ST18: variants seen among roughly 807,000 people sequenced by gnomAD.
The protein encoded by ST18 is suppression of tumorigenicity 18 protein.
In ST18, 50 loss-of-function variants were observed where a neutral mutation model predicts 110.0. That is an observed-to-expected ratio of 0.45 (90% CI 0.36 to 0.58). The LOEUF (loss-of-function observed/expected upper bound fraction) is 0.58, where lower values mean the gene tolerates loss of function less well. Among genes scored for constraint, ST18 ranks in the 20% least tolerant of loss-of-function variants. The probability of loss-of-function intolerance (pLI) is 0.00; values close to 1 mark genes in which losing one functional copy is unlikely to be tolerated. For missense variants in ST18, 1,306 were observed against 1,280.1 expected, an observed-to-expected ratio of 1.02 and a Z score of -0.31; for synonymous variants, 461 against 452.4, an observed-to-expected ratio of 1.02 and a Z score of -0.24.
At chr8:52,233,681 A>G (rs1343777174) in intron 2 of ST18, among the ~76,000 whole-genome samples, 1 of 152,186 alleles carries the variant, frequency 6.6e-6, no homozygotes, top group Non-Finnish European at 1.5e-5. Flanking sequence ...GTTTCGTCCA[A>G]TGCTTATCCA....
At chr8:52,238,542 T>C (rs1315124782) in intron 2 of ST18, among the ~76,000 whole-genome samples, 1 of 152,052 alleles carries the variant, frequency 6.6e-6, no homozygotes, top group Non-Finnish European at 1.5e-5. Flanking sequence ...CACATGTATG[T>C]TTTTTGTAGC....
intron 19 of ST18, among the ~76,000 whole-genome samples, chr8:52,133,850 C>A (rs996861232): frequency 2.5e-4 from 38 of 152,066 alleles, no homozygotes; most frequent in Non-Finnish European, 4.7e-4. Context: ...CCTGCCTCAG[C>A]CTCCCGAGTA....
At chr8:52,197,707 G>A (rs1210621922) in intron 8 of ST18, among the ~76,000 whole-genome samples, 1 of 152,092 alleles carries the variant, frequency 6.6e-6, no homozygotes. Context: ...GAAGAAAACA[G>A]AAAGAATGAG....
intron 8 of ST18, among the ~76,000 whole-genome samples, chr8:52,188,132 T>A (rs1038938139): frequency 3.3e-5 from 5 of 152,214 alleles, no homozygotes; most frequent in African/African-American, 1.2e-4. Flanking sequence ...TTCCTAGAGT[T>A]TTATTATGGA....
intron 8 of ST18, chr8:52,194,309 G>A (rs1475903424): frequency 1.3e-5 from 2 of 152,220 alleles, no homozygotes; most frequent in East Asian, 1.9e-4. Flanking sequence ...TGTAATTCCA[G>A]TGACAGCGTC....
At chr8:52,296,693 A>G (rs1401294806) in intron 2 of ST18, 5 of 152,206 alleles carry the variant, frequency 3.3e-5, no homozygotes, top group Non-Finnish European at 7.3e-5. Flanking sequence ...ACAGTAGGCA[A>G]TATAATACTA....
chr8:52,368,628 G>A (rs1829088201), intron 2 of ST18, among the ~76,000 whole-genome samples: 1 of 152,164 alleles, frequency 6.6e-6, no homozygotes, highest in Non-Finnish European at 1.5e-5. Flanking sequence ...GCCACATAGT[G>A]ACTCAGGGAT....
chr8:52,189,260 A>G (rs1407555840), intron 8 of ST18, among the ~76,000 whole-genome samples: 1 of 152,232 alleles, frequency 6.6e-6, no homozygotes, highest in Non-Finnish European at 1.5e-5. Flanking sequence ...TGTACAGACA[A>G]GCTGGATCCT....
At chr8:52,173,729 G>C (rs1027362275) in intron 9 of ST18, among the ~76,000 whole-genome samples, 1 of 152,136 alleles carries the variant, frequency 6.6e-6, no homozygotes, top group Non-Finnish European at 1.5e-5. Context: ...AAAGCAGGGT[G>C]GGGGGATGGG....
intron 2 of ST18, among the ~76,000 whole-genome samples, chr8:52,378,204 T>A (rs1167592471): frequency 1.3e-5 from 2 of 151,954 alleles, no homozygotes; most frequent in Non-Finnish European, 2.9e-5. Context: ...GTGACTAGAG[T>A]CAACAATAGT....
At chr8:52,130,110 G>GAAAAGA (rs1261984807) in intron 22 of ST18, among the ~76,000 whole-genome samples, 2 of 82,272 alleles carry the variant, frequency 2.4e-5, no homozygotes, top group Non-Finnish European at 4.7e-5. Flanking sequence ...AAGAAAGAAA[G>GAAAAGA]AAAGAAAGAA....
intron 2 of ST18, among the ~76,000 whole-genome samples, chr8:52,342,762 G>T (rs1815731365): frequency 6.6e-6 from 1 of 152,088 alleles, no homozygotes; most frequent in Non-Finnish European, 1.5e-5. Flanking sequence ...TAGAACCCAG[G>T]ACTCTGTTTC....
chr8:52,316,940 A>T (rs2096040569), intron 2 of ST18, among the ~76,000 whole-genome samples: 1 of 152,232 alleles, frequency 6.6e-6, no homozygotes, highest in Non-Finnish European at 1.5e-5. Flanking sequence ...ATTTGGGAAG[A>T]TGTCCTTTAT....
intron 2 of ST18, among the ~76,000 whole-genome samples, chr8:52,255,160 T>C (rs1398884940): frequency 6.6e-6 from 1 of 152,160 alleles, no homozygotes; most frequent in Non-Finnish European, 1.5e-5. Flanking sequence ...AGATTCCATG[T>C]GAGTGGCACA....
At chr8:52,196,637 CTG>C (rs1452627065) in intron 8 of ST18, among the ~76,000 whole-genome samples, 5 of 152,110 alleles carry the variant, frequency 3.3e-5, no homozygotes, top group African/African-American at 1.2e-4. Context: ...ATTTTTATAA[CTG>C]TTCTATTTTA....
At chr8:52,397,084 A>G (rs1405080136) in intron 2 of ST18, among the ~76,000 whole-genome samples, 1 of 152,298 alleles carries the variant, frequency 6.6e-6, no homozygotes, top group African/African-American at 2.4e-5. Context: ...GGCTGTATCA[A>G]TCTACAATTT....
At chr8:52,178,925 G>C (rs1243188629) in intron 9 of ST18, among the ~76,000 whole-genome samples, 1 of 151,908 alleles carries the variant, frequency 6.6e-6, no homozygotes, top group Non-Finnish European at 1.5e-5. Flanking sequence ...ACTGAGATTT[G>C]TGCTCACTCA....
chr8:52,161,751 G>A (rs1027620651), intron 13 of ST18, among the ~76,000 whole-genome samples, 183 bp from the exon 14 acceptor site: 4 of 152,154 alleles, frequency 2.6e-5, no homozygotes, highest in Non-Finnish European at 4.4e-5. Flanking sequence ...AGGGCGAGAT[G>A]GAAAGATGCT....
At chr8:52,178,745 A>G (rs2134118375) in intron 9 of ST18, among the ~76,000 whole-genome samples, 1 of 152,068 alleles carries the variant, frequency 6.6e-6, no homozygotes, top group East Asian at 1.9e-4. Context: ...AAAAAAGTCA[A>G]GGGTGATTAT....
Sources: gnomAD v4.1 joint callset for allele counts (sites outside exome capture counted in the v4.1 genomes callset) on GRCh38, gnomAD v4.1.1 for gene constraint, MANE v1.5 for transcripts, NCBI Gene and HGNC (gene_info 2026-07-23, HGNC 2026-07-21) for gene names.